The following ARID2 variants were observed in gnomAD, a reference collection of about 807,000 sequenced individuals.
ARID2 encodes AT-rich interaction domain 2, also known as AT-rich interactive domain-containing protein 2.
A neutral mutation model predicts 184.6 loss-of-function variants in ARID2; 32 were observed. That is an observed-to-expected ratio of 0.17 (90% CI 0.13 to 0.23). The LOEUF (loss-of-function observed/expected upper bound fraction) is 0.23. Among genes scored for constraint, ARID2 ranks in the 10% least tolerant of loss-of-function variants. ARID2 has a pLI of 1.00. For missense variants in ARID2, 1,696 were observed against 2,197.6 expected (o/e 0.77, Z 4.56); for synonymous variants, 836 against 772.6 (o/e 1.08, Z -1.36).
intron 3 of ARID2, among the ~76,000 whole-genome samples, chr12:45,806,203 ATT>A (rs540116694): frequency 2.1e-5 from 3 of 145,888 alleles, no homozygotes. Context: ...GTTCTGTGTA[ATT>A]TTTTTTTTTT....
chr12:45,730,386 T>G (rs1358693955), intron 2 of ARID2, among the ~76,000 whole-genome samples: 3 of 143,922 alleles, frequency 2.1e-5, no homozygotes, highest in Admixed American at 6.9e-5. Flanking sequence ...CCCTGCCCGG[T>G]GCCCGGTCGG....
chr12:45,892,042 C>T lies in ARID2; in HGVS notation c.5093C>T (p.Ala1698Val). The change falls in exon 18 of 21, where the codon GCA (alanine) becomes GTA (valine). Residue 1698 changes from alanine (A) to valine (V), a missense_variant. Physicochemically the swap from Ala to Val is moderately conservative, Grantham distance 64 (BLOSUM62 0). This residue lies in a region of ARID2 where 58 missense variants were observed against 47.1 expected (regional missense o/e 1.23). Transcript: ENST00000334344. ...CACTGTTCAAAGGATGCCCTACTTG[C>T]AGGATTAAAACAAGATGAACCAGGA... ...DKHCSKDALL[A>V]GLKQDEPGQA... 1 of 1,614,080 alleles carries T rather than the reference C, an allele frequency of 6.2e-7. No individual in the cohort carries two copies. Among genetic ancestry groups the T allele is most frequent in the Non-Finnish European group, 8.5e-7 (1 of 1,179,984 alleles).
chr12:45,819,234 G>A (rs1337381977), intron 5 of ARID2, among the ~76,000 whole-genome samples: 1 of 152,036 alleles, frequency 6.6e-6, no homozygotes, highest in African/African-American at 2.4e-5. Context: ...TACCAGTTTG[G>A]GTGCTCTAAG....
chr12:45,892,051 A>G lies in ARID2; in HGVS notation c.5102A>G (p.Lys1701Arg). 1 of 1,614,178 alleles carries G rather than the reference A, an allele frequency of 6.2e-7. No homozygotes were observed. Among genetic ancestry groups the G allele is most frequent in the Non-Finnish European group, 8.5e-7 (1 of 1,179,994 alleles). The part of the protein sequence containing the change: ...CSKDALLAGL[K>R]QDEPGQAGSQ... ...AAGGATGCCCTACTTGCAGGATTAA[A>G]ACAAGATGAACCAGGACAAGCAGGA... is the stretch of plus-strand genomic sequence containing the variant. The change falls in exon 18 of 21, where the codon AAA becomes AGA. Residue 1701 changes from lysine (K) to arginine (R), a missense_variant. Physicochemically the swap from Lys to Arg is conservative, Grantham distance 26 (BLOSUM62 2). This residue lies in a region of ARID2 where 58 missense variants were observed against 47.1 expected (regional missense o/e 1.23). Transcript: ENST00000334344.
chr12:45,866,268 G>A (rs184618358), intron 16 of ARID2, among the ~76,000 whole-genome samples: 1 of 152,018 alleles, frequency 6.6e-6, no homozygotes, highest in Admixed American at 6.5e-5. Context: ...AAATAGAACT[G>A]CTCGTCCTTT....
chr12:45,845,941 C>G (rs1943432119), intron 11 of ARID2: 1 of 152,102 alleles, frequency 6.6e-6, no homozygotes, highest in Admixed American at 6.5e-5. Context: ...ATATATGATT[C>G]AGACTTATAA....
intron 3 of ARID2, among the ~76,000 whole-genome samples, chr12:45,741,003 G>A (rs771426253): frequency 2.6e-5 from 4 of 152,070 alleles, no homozygotes; most frequent in South Asian, 2.1e-4. Context: ...ATTCTGTAGC[G>A]ACATACCTTG....
intron 2 of ARID2, among the ~76,000 whole-genome samples, chr12:45,730,462 C>T (rs2137960896): frequency 6.7e-6 from 1 of 149,930 alleles, no homozygotes; most frequent in African/African-American, 2.4e-5. Flanking sequence ...GAGCCCCGCG[C>T]CCGCCCCGCT....
At position 45,793,121 on chromosome 12, in the gene ARID2, G is replaced by A. The variant is rs570927303; in HGVS notation, c.285-18297G>A. Among the ~76,000 whole-genome samples, 3 of 152,074 alleles carry A rather than the reference G, an allele frequency of 2.0e-5. No homozygotes were observed. In the East Asian group the frequency reaches 5.8e-4, roughly 29 times the overall value. The stretch of plus-strand genomic sequence containing the variant: ...CGAGACCAGCCTGGCTAACATGGTT[G>A]AAACCCCATCTCTACTAAAAATACA... On this transcript the variant is annotated intron_variant, in intron 3 of 20. Transcript: ENST00000334344.
intron 3 of ARID2, among the ~76,000 whole-genome samples, chr12:45,753,498 G>T (rs1320732284): frequency 6.6e-6 from 1 of 152,148 alleles, no homozygotes; most frequent in Admixed American, 6.5e-5. Flanking sequence ...GTTTTGAGTG[G>T]TAAATACATT....
intron 3 of ARID2, among the ~76,000 whole-genome samples, chr12:45,788,466 A>G (rs768003047): frequency 1.6e-4 from 25 of 152,180 alleles, no homozygotes; most frequent in Non-Finnish European, 3.4e-4. Flanking sequence ...ACCCTGATGT[A>G]TCTTTATTTT....
rs2138125322 is a variant in ARID2, at chr12:45,836,619, G to A, written c.736G>A (p.Val246Ile). 3 of 1,611,124 alleles carry A rather than the reference G, an allele frequency of 1.9e-6. No homozygotes were observed. The highest frequency in any genetic ancestry group is 2.5e-6 in the Non-Finnish European group (3 of 1,179,014). Residue 246 changes from valine (V) to isoleucine (I), a missense_variant, in exon 7 of 21, where the codon GTT becomes ATT. Physicochemically the swap from Val to Ile is conservative, Grantham distance 29. Transcript: ENST00000334344. ...FWKDIVDDNE[V>I]RDLISDRNKS... ...GAAAGACATCGTTGATGATAATGAA[G>A]TTCGTGACCTCATTTCTGACAGAAA...
chr12:45,811,636 C>T (rs1942710765), intron 4 of ARID2, 85 bp downstream of exon 4: 2 of 1,443,836 alleles, frequency 1.4e-6, no homozygotes, highest in Non-Finnish European at 1.9e-6. Flanking sequence ...TAGTCCCTTC[C>T]TTTGCACATG....
intron 3 of ARID2, among the ~76,000 whole-genome samples, chr12:45,757,753 GGTTA>G (rs1425737967): frequency 6.6e-6 from 1 of 152,136 alleles, no homozygotes; most frequent in Non-Finnish European, 1.5e-5. Flanking sequence ...TATTTCATAC[GGTTA>G]GTTCTTAGGA....
At chr12:45,836,719 A>G in intron 7 of ARID2, 22 bp from the exon 8 acceptor site, 1 of 1,600,634 alleles carries the variant, frequency 6.2e-7, no homozygotes. Context: ...ATATTAAGTG[A>G]AATATGTATT....
At chr12:45,891,657 A>G (rs562957918) in intron 16 of ARID2, 123 bp from the exon 17 acceptor site, 116 of 1,070,034 alleles carry the variant, frequency 1.1e-4, no homozygotes, top group Admixed American at 1.4e-4. Context: ...TGTTAAAACA[A>G]TTTACCAAAA....
intron 3 of ARID2, among the ~76,000 whole-genome samples, chr12:45,806,456 G>T (rs1279352608): frequency 6.6e-6 from 1 of 151,782 alleles, no homozygotes; most frequent in Non-Finnish European, 1.5e-5. Context: ...ATTTATTCCG[G>T]TCTCTCCTAT....
rs139144003 is a variant in ARID2 at position 45,767,084 on chromosome 12, C to T, written c.284+35770C>T. ...ACATGGCCAATCTATTTTTTGCCAT[C>T]CTCATAGGTGTGTAGTGATATCTTA... On this transcript the variant is annotated intron_variant, in intron 3 of 20. Transcript: ENST00000334344. 5.5e-3 allele frequency among the ~76,000 whole-genome samples: 833 copies of T among 152,270 alleles called. 7 individuals are homozygous for T. Among genetic ancestry groups the T allele is most frequent in the African/African-American group, 0.019 (795 of 41,564 alleles).
intron 3 of ARID2, among the ~76,000 whole-genome samples, chr12:45,790,263 T>A (rs1255799121): frequency 6.6e-6 from 1 of 152,136 alleles, no homozygotes; most frequent in Non-Finnish European, 1.5e-5. Flanking sequence ...TATGTTTTAG[T>A]TTTTTATAGA....
Sources: allele counts gnomAD v4.1 joint callset (sites outside exome capture counted in the v4.1 genomes callset), GRCh38; gene constraint gnomAD v4.1.1; regional missense constraint gnomAD v4.1.1; transcripts MANE v1.5; gene names NCBI Gene and HGNC (gene_info 2026-07-23, HGNC 2026-07-21).